IGFL2: variants seen among roughly 807,000 people sequenced by gnomAD.
The protein encoded by IGFL2 is IGF like family member 2.
IGFL2 carries 7 observed loss-of-function variants against 13.9 expected under a neutral mutation model. The observed-to-expected ratio is 0.51, with a 90% CI of 0.29 to 0.95. The LOEUF is 0.95. Among genes scored for constraint, IGFL2 ranks in the 40% least tolerant of loss-of-function variants. The pLI is 0.08. For missense variants in IGFL2, 138 were observed against 147.8 expected (o/e 0.93, Z 0.34); for synonymous variants, 55 against 55.8 (o/e 0.99, Z 0.07).
the IGFL2 span, among the ~76,000 whole-genome samples, chr19:46,198,708 G>A: frequency 3.9e-5 from 6 of 152,108 alleles, no homozygotes; most frequent in Admixed American, 3.9e-4. Context: ...AGGAGAGAGA[G>A]ATCAGCCCCT....
the IGFL2 span, chr19:46,212,022 G>A: frequency 6.6e-6 from 1 of 151,746 alleles, no homozygotes; most frequent in Non-Finnish European, 1.5e-5. Flanking sequence ...CAGCATTCTG[G>A]TTAGGGCACA....
the IGFL2 span, among the ~76,000 whole-genome samples, chr19:46,186,883 G>A: frequency 2.0e-5 from 3 of 152,186 alleles, no homozygotes; most frequent in African/African-American, 2.4e-5. Flanking sequence ...CTCTCTTAAC[G>A]AGCCTGCTCT....
chr19:46,162,763 T>C (rs1335631894), downstream of IGFL2, among the ~76,000 whole-genome samples: 1 of 152,230 alleles, frequency 6.6e-6, no homozygotes, highest in African/African-American at 2.4e-5. Context: ...CAGTGATCTT[T>C]GTTTCTATCT....
chr19:46,136,877 CTG>C, the IGFL2 span: 1 of 763,896 alleles, frequency 1.3e-6, no homozygotes. Context: ...AAAGACTACT[CTG>C]TGTATTGGTA....
chr19:46,192,166 C>T, the IGFL2 span, among the ~76,000 whole-genome samples: 221 of 152,298 alleles, frequency 1.5e-3, 2 homozygotes, highest in Non-Finnish European at 5.1e-4. Flanking sequence ...GGCTGGGGTG[C>T]AGGTGCCCTG....
chr19:46,114,471 C>T, the IGFL2 span, among the ~76,000 whole-genome samples: 3 of 152,132 alleles, frequency 2.0e-5, no homozygotes, highest in South Asian at 2.1e-4. Flanking sequence ...AAGTTATTGG[C>T]GAACTCCATT....
chr19:46,084,463 T>C, the IGFL2 span, among the ~76,000 whole-genome samples: 1 of 152,230 alleles, frequency 6.6e-6, no homozygotes, highest in Admixed American at 6.5e-5. Context: ...TCTTCAGATA[T>C]ATTAATATGT....
intron 3 of IGFL2, 29 bp from the exon 4 acceptor site, chr19:46,161,041 G>C: frequency 6.3e-7 from 1 of 1,579,428 alleles, no homozygotes. Flanking sequence ...TCTGTTATTC[G>C]TAATTTCTTG....
the IGFL2 span, chr19:46,113,686 TCC>T: frequency 7.4e-4 from 151 of 205,332 alleles, no homozygotes; most frequent in African/African-American, 3.4e-3. Context: ...GCAATAATAT[TCC>T]ATGCTTGTTA....
the IGFL2 span, among the ~76,000 whole-genome samples, chr19:46,127,771 T>A: frequency 1.3e-5 from 2 of 152,198 alleles, no homozygotes; most frequent in East Asian, 3.8e-4. Flanking sequence ...TTTACTTTTT[T>A]AAAATGTTAA....
At chr19:46,128,774 A>G in the IGFL2 span, among the ~76,000 whole-genome samples, 1 of 152,056 alleles carries the variant, frequency 6.6e-6, no homozygotes, top group African/African-American at 2.4e-5. Flanking sequence ...TTTTGCATTG[A>G]TGTTCATCAA....
At chr19:46,183,011 T>C in the IGFL2 span, among the ~76,000 whole-genome samples, 88 of 152,302 alleles carry the variant, frequency 5.8e-4, no homozygotes, top group African/African-American at 2.0e-3. Context: ...CACACTGCTA[T>C]AAAGCTACTG....
the IGFL2 span, among the ~76,000 whole-genome samples, chr19:46,177,119 G>C: frequency 1.3e-5 from 2 of 152,100 alleles, no homozygotes; most frequent in African/African-American, 4.8e-5. Context: ...AAAAATAGCT[G>C]GGCATGGTGG....
chr19:46,093,439 C>T, the IGFL2 span, among the ~76,000 whole-genome samples: 1 of 152,140 alleles, frequency 6.6e-6, no homozygotes, highest in Admixed American at 6.5e-5. Context: ...AATCCTACAG[C>T]TAATGTCATA....
At chr19:46,124,863 G>C in the IGFL2 span, among the ~76,000 whole-genome samples, 17 of 150,684 alleles carry the variant, frequency 1.1e-4, 1 homozygote, top group Admixed American at 2.0e-4. Flanking sequence ...ACTGGGTGGC[G>C]TAAGGGACCA....
upstream of IGFL2, among the ~76,000 whole-genome samples, chr19:46,140,086 A>C (rs1039598734): frequency 1.3e-5 from 2 of 151,896 alleles, no homozygotes; most frequent in Non-Finnish European, 2.9e-5. Context: ...AGTAGCTGGG[A>C]TTACAGGTGT....
chr19:46,123,087 A>G, the IGFL2 span, among the ~76,000 whole-genome samples: 223 of 151,120 alleles, frequency 1.5e-3, 11 homozygotes, highest in African/African-American at 5.2e-3. Context: ...CCACCACTGC[A>G]CCAGAATTTT....
the IGFL2 span, among the ~76,000 whole-genome samples, chr19:46,181,893 T>C: frequency 4.0e-3 from 603 of 152,316 alleles, 3 homozygotes; most frequent in African/African-American, 0.012. Flanking sequence ...ACCTTCCCAG[T>C]ACCTCTCCTT....
At chr19:46,213,497 G>A in the IGFL2 span, 2,099 of 156,194 alleles carry the variant, frequency 0.013, 52 homozygotes, top group African/African-American at 0.048. Context: ...AGGAGGGGAG[G>A]ACCCCATTCC....
Sources: allele counts gnomAD v4.1 joint callset (sites outside exome capture counted in the v4.1 genomes callset), GRCh38; gene constraint gnomAD v4.1.1; transcripts MANE v1.5; gene names NCBI Gene and HGNC (gene_info 2026-07-23, HGNC 2026-07-21).